TYW1: variants seen among roughly 807,000 people sequenced by gnomAD.
TYW1 encodes tRNA-yW synthesizing protein 1 homolog, also known as S-adenosyl-L-methionine-dependent tRNA 4-demethylwyosine synthase TYW1.
A neutral mutation model predicts 96.2 loss-of-function variants in TYW1; 46 were observed. The ratio of observed to expected loss-of-function variants is 0.48; its 90% confidence interval spans 0.38 to 0.61. The LOEUF (loss-of-function observed/expected upper bound fraction) is 0.61, where lower values mean the gene tolerates loss of function less well. Ranked by LOEUF, TYW1 falls within the 20% of genes least tolerant of loss-of-function variation. TYW1 has a pLI of 0.00. For missense variants in TYW1, 684 were observed against 909.6 expected (o/e 0.75, Z 3.19); for synonymous variants, 274 against 323.0 (o/e 0.85, Z 1.63).
At chr7:67,048,823 T>A (rs893985314) in intron 7 of TYW1, among the ~76,000 whole-genome samples, 1 of 152,242 alleles carries the variant, frequency 6.6e-6, no homozygotes, top group Non-Finnish European at 1.5e-5. Flanking sequence ...GGCCAGCAGT[T>A]TCAGACCAGC....
intron 15 of TYW1, among the ~76,000 whole-genome samples, chr7:67,211,149 ATTGTGT>A (rs965822102): frequency 3.7e-5 from 4 of 109,172 alleles, no homozygotes; most frequent in Non-Finnish European, 5.6e-5. Context: ...CCCCATCAAC[ATTGTGT>A]GTGTGTGTGT....
intron 14 of TYW1, among the ~76,000 whole-genome samples, chr7:67,191,581 G>T (rs1339220869): frequency 7.0e-6 from 1 of 142,702 alleles, no homozygotes; most frequent in Non-Finnish European, 1.5e-5. Flanking sequence ...TGGGTGAGAA[G>T]GTGGCAGACA....
intron 13 of TYW1, among the ~76,000 whole-genome samples, chr7:67,152,371 C>T (rs1333779962): frequency 6.6e-6 from 1 of 152,150 alleles, no homozygotes; most frequent in Non-Finnish European, 1.5e-5. Context: ...TGCTATTTCA[C>T]CTTGCTCACC....
At chr7:67,088,568 A>T (rs577996535) in intron 11 of TYW1, among the ~76,000 whole-genome samples, 32 of 152,220 alleles carry the variant, frequency 2.1e-4, no homozygotes, top group Admixed American at 1.6e-3. Flanking sequence ...ATTTCAACTG[A>T]AAAAGACCGT....
intron 7 of TYW1, among the ~76,000 whole-genome samples, chr7:67,027,833 G>T (rs139341341): frequency 6.6e-6 from 1 of 151,864 alleles, no homozygotes; most frequent in African/African-American, 2.4e-5. Flanking sequence ...GGGAGGCTGA[G>T]GCAAGAGAAT....
chr7:67,159,028 T>G (rs1169505208), intron 13 of TYW1, among the ~76,000 whole-genome samples: 2 of 152,236 alleles, frequency 1.3e-5, no homozygotes, highest in Non-Finnish European at 2.9e-5. Flanking sequence ...TATTGATTTC[T>G]GCTCTGACTT....
intron 9 of TYW1, among the ~76,000 whole-genome samples, chr7:67,062,412 A>G (rs1795720798): frequency 1.3e-5 from 2 of 151,898 alleles, no homozygotes; most frequent in South Asian, 4.2e-4. Flanking sequence ...CTTAAAAGAA[A>G]AAAAAAAAGT....
At chr7:67,055,960 T>A in intron 9 of TYW1, 73 bp downstream of exon 9, 1 of 1,132,004 alleles carries the variant, frequency 8.8e-7, no homozygotes, top group Non-Finnish European at 1.3e-6. Context: ...ACACTGTCTA[T>A]AAATTTACTA....
At chr7:67,101,905 T>C (rs1797099460) in intron 12 of TYW1, among the ~76,000 whole-genome samples, 1 of 152,254 alleles carries the variant, frequency 6.6e-6, no homozygotes, top group Non-Finnish European at 1.5e-5. Context: ...CTATTACTTT[T>C]TGAAGTTGTA....
rs190571640 is a variant in TYW1, at chr7:67,071,010, A to G, written c.1274+3607A>G. Among the ~76,000 whole-genome samples the G allele has an allele frequency of 2.4e-4, 37 of 151,966 alleles. 2 individuals are homozygous for G. Among genetic ancestry groups the G allele is most frequent in the Admixed American group, 2.2e-3 (34 of 15,250 alleles). On this transcript the variant is annotated intron_variant, in intron 10 of 15. Coordinates refer to ENST00000359626, the MANE Select transcript of TYW1 (RefSeq NM_018264.4). Reference sequence around the variant, plus strand: ...GCCGGGCGTGGTGGTGGGCGCCTGTAGTCCCAGCTACTCGGGAGGCTGAGG... The same window carrying G: ...GCCGGGCGTGGTGGTGGGCGCCTGTGGTCCCAGCTACTCGGGAGGCTGAGG...
At chr7:67,019,163 A>G (rs984137916) in intron 6 of TYW1, among the ~76,000 whole-genome samples, 6 of 152,148 alleles carry the variant, frequency 3.9e-5, no homozygotes, top group Non-Finnish European at 7.3e-5. Context: ...TTGTTTGACT[A>G]TAGATTCACG....
At chr7:67,052,716 G>A (rs1795394538) in intron 8 of TYW1, among the ~76,000 whole-genome samples, 1 of 151,972 alleles carries the variant, frequency 6.6e-6, no homozygotes, top group Non-Finnish European at 1.5e-5. Context: ...TAGGTACTGG[G>A]TATTTTTATT....
chr7:67,205,041 G>A (rs1257654271), intron 15 of TYW1, among the ~76,000 whole-genome samples: 1 of 152,132 alleles, frequency 6.6e-6, no homozygotes, highest in Non-Finnish European at 1.5e-5. Flanking sequence ...CTGTTTCTTG[G>A]TATGATAAGT....
chr7:67,074,831 G>T (rs1252013552), intron 10 of TYW1, among the ~76,000 whole-genome samples: 1 of 147,320 alleles, frequency 6.8e-6, no homozygotes, highest in African/African-American at 2.5e-5. Flanking sequence ...ATGACAGTGG[G>T]TTTTTTTTTT....
At chr7:67,079,131 C>G (rs1224921379) in intron 10 of TYW1, among the ~76,000 whole-genome samples, 3 of 151,306 alleles carry the variant, frequency 2.0e-5, no homozygotes, top group Non-Finnish European at 4.4e-5. Context: ...TTTCTTCCCC[C>G]TTAATTTTTT....
intron 13 of TYW1, among the ~76,000 whole-genome samples, chr7:67,143,721 A>G (rs1413206054): frequency 6.6e-6 from 1 of 152,166 alleles, no homozygotes; most frequent in African/African-American, 2.4e-5. Flanking sequence ...AAGCTACACT[A>G]CTCCAAAAAT....
chr7:67,213,574 A>G (rs1260660307), intron 15 of TYW1, among the ~76,000 whole-genome samples: 2 of 152,178 alleles, frequency 1.3e-5, no homozygotes, highest in Non-Finnish European at 1.5e-5. Flanking sequence ...CATGGATCCT[A>G]CTTTTGATGG....
rs551267618 is a variant in TYW1 at position 67,011,609 on chromosome 7, C to T, written c.375+1925C>T. Among the ~76,000 whole-genome samples the T allele has an allele frequency of 1.8e-4, 28 of 152,168 alleles. 1 individual carries two copies. The South Asian group carries it at 2.7e-3, about 15-fold the overall frequency. ...AGCAGAGGCTGGGTGTGGTGGCTCA[C>T]GCCTGTAATCCCAGCACTTTGGGAG... On this transcript the variant is annotated intron_variant, in intron 4 of 15. Coordinates refer to ENST00000359626, the MANE Select transcript of TYW1 (RefSeq NM_018264.4).
chr7:67,096,903 C>G (rs1305491039), intron 11 of TYW1, among the ~76,000 whole-genome samples: 2 of 152,140 alleles, frequency 1.3e-5, no homozygotes, highest in African/African-American at 2.4e-5. Flanking sequence ...TACATTGAGT[C>G]AAGAGCAGTA....
Sources: allele counts gnomAD v4.1 joint callset (sites outside exome capture counted in the v4.1 genomes callset), GRCh38; gene constraint gnomAD v4.1.1; transcripts MANE v1.5; gene names NCBI Gene and HGNC (gene_info 2026-07-23, HGNC 2026-07-21).